TDRP: variants seen among roughly 807,000 people sequenced by gnomAD.
The protein encoded by TDRP is testis development-related protein.
TDRP carries 12 observed loss-of-function variants against 10.5 expected under a neutral mutation model. The ratio of observed to expected loss-of-function variants is 1.15; its 90% CI spans 0.73 to 1.86. The LOEUF (loss-of-function observed/expected upper bound fraction) is 1.86. TDRP is among the 40% of genes most tolerant of loss of function. The probability of loss-of-function intolerance (pLI) is 0.00; values close to 1 mark genes in which losing one functional copy is unlikely to be tolerated. For synonymous variants in TDRP, 139 were observed against 95.4 expected (o/e 1.46, Z -2.67); for missense variants, 353 against 229.2 (o/e 1.54, Z -3.49).
intron 1 of TDRP, among the ~76,000 whole-genome samples, chr8:525,257 A>G (rs1802006668): frequency 6.6e-6 from 1 of 152,196 alleles, no homozygotes; most frequent in South Asian, 2.1e-4. Flanking sequence ...TTCCCAGACA[A>G]ACAAAAGCTG....
intron 1 of TDRP, among the ~76,000 whole-genome samples, chr8:512,803 C>G (rs1267403287): frequency 6.6e-6 from 1 of 152,014 alleles, no homozygotes; most frequent in African/African-American, 2.4e-5. Flanking sequence ...AAAACCCCAT[C>G]TCTAATAAAA....
intron 1 of TDRP, among the ~76,000 whole-genome samples, chr8:495,492 T>G (rs1437530619): frequency 6.6e-6 from 1 of 152,152 alleles, no homozygotes; most frequent in Non-Finnish European, 1.5e-5. Flanking sequence ...CATCAAGATA[T>G]AATTAATACC....
intron 1 of TDRP, among the ~76,000 whole-genome samples, chr8:517,169 G>A (rs1020964201): frequency 6.6e-5 from 10 of 151,988 alleles, no homozygotes; most frequent in Non-Finnish European, 1.3e-4. Flanking sequence ...CTGACAGAAG[G>A]GACTCTTTGC....
intron 1 of TDRP, among the ~76,000 whole-genome samples, chr8:519,046 A>G (rs1269037704): frequency 6.9e-6 from 1 of 144,102 alleles, no homozygotes; most frequent in Non-Finnish European, 1.5e-5. Flanking sequence ...TCAGCCCCAC[A>G]CCCACCTCCT....
rs192408679 is a variant in TDRP, at chr8:494,344, C to G, written c.212+150G>C. The stretch of plus-strand genomic sequence containing the variant: ...ATGACCGTCTGCCACTCAACAGGGA[C>G]AGACGGAGTGGGGAGGGAAACATGG... On this transcript the variant is annotated intron_variant, in intron 2 of 2. Coordinates refer to ENST00000324079, the MANE Select transcript of TDRP (RefSeq NM_001384899.1). 219 of 651,466 alleles carry G rather than the reference C, an allele frequency of 3.4e-4. No homozygotes were observed. In the African/African-American group the frequency reaches 3.4e-3, roughly 10 times the overall value. 40.4% of individuals were successfully genotyped at this position (651,466 alleles called of 1,614,324 possible).
chr8:531,293 G>T (rs1463704911), intron 1 of TDRP, among the ~76,000 whole-genome samples: 4 of 152,148 alleles, frequency 2.6e-5, no homozygotes, highest in African/African-American at 9.7e-5. Context: ...ATTGTTGTCA[G>T]TCAGAGTCCG....
At chr8:507,309 C>G (rs1801493642) in intron 1 of TDRP, among the ~76,000 whole-genome samples, 1 of 152,016 alleles carries the variant, frequency 6.6e-6, no homozygotes, top group African/African-American at 2.4e-5. Context: ...TTGAGACAAG[C>G]CTAAGATTTG....
chr8:493,093 T>C (rs1300721089), intron 2 of TDRP, among the ~76,000 whole-genome samples: 1 of 152,126 alleles, frequency 6.6e-6, no homozygotes, highest in Non-Finnish European at 1.5e-5. Flanking sequence ...GGGTCTAGAT[T>C]AAGAAACAAG....
chr8:526,105 G>A (rs182665731), intron 1 of TDRP, among the ~76,000 whole-genome samples: 12 of 152,306 alleles, frequency 7.9e-5, no homozygotes, highest in Admixed American at 6.5e-4. Flanking sequence ...TGCCTTTAGT[G>A]AGTAGCCTTT....
chr8:526,416 T>C (rs1175456883), intron 1 of TDRP, among the ~76,000 whole-genome samples: 1 of 152,196 alleles, frequency 6.6e-6, no homozygotes, highest in Non-Finnish European at 1.5e-5. Context: ...AGCGTTCTTA[T>C]TATGAAGAGA....
intron 1 of TDRP, among the ~76,000 whole-genome samples, chr8:497,704 T>C (rs1422083547): frequency 6.6e-6 from 1 of 152,154 alleles, no homozygotes; most frequent in Non-Finnish European, 1.5e-5. Context: ...GGAAAATGTC[T>C]CCAGGGCATT....
At chr8:534,823 G>T (rs552430723) in intron 1 of TDRP, among the ~76,000 whole-genome samples, 56 of 152,238 alleles carry the variant, frequency 3.7e-4, no homozygotes, top group African/African-American at 1.3e-3. Flanking sequence ...TAATGAATAT[G>T]AACTGTAACT....
At chr8:515,741 C>T (rs1278035578) in intron 1 of TDRP, among the ~76,000 whole-genome samples, 1 of 152,060 alleles carries the variant, frequency 6.6e-6, no homozygotes, top group East Asian at 1.9e-4. Context: ...ATAAAAGTTA[C>T]AGTTACTGGA....
In TDRP at chr8:491,639, A is replaced by T. The variant is rs1563113540; in HGVS notation, c.*760T>A. The T allele has an allele frequency of 6.5e-7, 1 of 1,532,144 alleles. No individual in the cohort carries two copies. Among genetic ancestry groups the T allele is most frequent in the Admixed American group, 2.0e-5 (1 of 50,206 alleles). The allele number at this position is 1,532,144 out of a possible 1,614,324, so 94.9% of individuals were successfully genotyped here. On this transcript the variant is annotated 3_prime_UTR_variant, in exon 3 of 3. Coordinates refer to ENST00000324079, the MANE Select transcript of TDRP (RefSeq NM_001384899.1). ...ACAATGTTTCCTAAATGAAATTATCAACTGACTAAAATTGATCCATACTTC... is the reference window on the plus strand; with the variant it reads ...ACAATGTTTCCTAAATGAAATTATCTACTGACTAAAATTGATCCATACTTC...
rs375953370 is a variant in TDRP, at chr8:538,666, C to A, written c.108+5984G>T. Among the ~76,000 whole-genome samples, 28 of 152,290 alleles carry A rather than the reference C, an allele frequency of 1.8e-4. No individual in the cohort carries two copies. The South Asian group carries it at 5.8e-3, about 32-fold the overall frequency. Reference sequence around the variant, plus strand: ...ACCCAACTGTATTTTCATGCAAATACAGTTATCTTGACTACAGTTCCATAC... The same window carrying A: ...ACCCAACTGTATTTTCATGCAAATAAAGTTATCTTGACTACAGTTCCATAC... On this transcript the variant is annotated intron_variant, in intron 1 of 2. Coordinates refer to ENST00000324079, the MANE Select transcript of TDRP (RefSeq NM_001384899.1).
At chr8:504,918 C>T (rs914790910) in intron 1 of TDRP, among the ~76,000 whole-genome samples, 11 of 152,172 alleles carry the variant, frequency 7.2e-5, no homozygotes, top group African/African-American at 2.4e-4. Context: ...CTACCTATGT[C>T]CTTTTTAAGA....
At position 491,534 on chromosome 8, in the gene TDRP, C is replaced by A. The variant is rs772511967; in HGVS notation, c.*865G>T. The A allele has an allele frequency of 8.7e-6, 12 of 1,382,900 alleles. No individual in the cohort carries two copies. The highest frequency in any genetic ancestry group is 1.5e-5 in the African/African-American group (1 of 67,874). The allele number at this position is 1,382,900 out of a possible 1,614,324, so 85.7% of individuals were successfully genotyped here. On this transcript the variant is annotated 3_prime_UTR_variant, in exon 3 of 3. Transcript: ENST00000324079. ...CAATCACAATAGGCATCTCGCTTTG[C>A]AAGAACAAACATATGAGCCTAATAA...
intron 1 of TDRP, among the ~76,000 whole-genome samples, chr8:504,975 T>A (rs530626311): frequency 6.6e-6 from 1 of 152,308 alleles, no homozygotes; most frequent in African/African-American, 2.4e-5. Context: ...AACTTTTACT[T>A]CCCACACCGT....
intron 1 of TDRP, among the ~76,000 whole-genome samples, chr8:496,459 G>A (rs1363983872): frequency 6.6e-6 from 1 of 152,222 alleles, no homozygotes; most frequent in Non-Finnish European, 1.5e-5. Flanking sequence ...AATGCCCCAT[G>A]AGACAGACAC....
Sources: gnomAD v4.1 joint callset for allele counts (sites outside exome capture counted in the v4.1 genomes callset) on GRCh38, gnomAD v4.1.1 for gene constraint, MANE v1.5 for transcripts, NCBI Gene and HGNC (gene_info 2026-07-23, HGNC 2026-07-21) for gene names.